Variants in TSHZ2 observed in about 807,000 individuals in gnomAD.
The protein encoded by TSHZ2 is teashirt zinc finger homeobox 2, also known as teashirt homolog 2.
Under a neutral mutation model 74.4 loss-of-function variants are expected in TSHZ2, and 21 were observed. The ratio of observed to expected loss-of-function variants is 0.28; its 90% CI spans 0.20 to 0.41. The LOEUF (loss-of-function observed/expected upper bound fraction) is 0.41. Ranked by LOEUF, TSHZ2 falls within the 10% of genes least tolerant of loss-of-function variation. The pLI is 1.00. For missense variants in TSHZ2, 1,244 were observed against 1,293.5 expected, an observed-to-expected ratio of 0.96 and a Z score of 0.59; for synonymous variants, 540 against 515.3, an observed-to-expected ratio of 1.05 and a Z score of -0.65.
At chr20:53,001,822 G>A (rs1982452495) in intron 1 of TSHZ2, among the ~76,000 whole-genome samples, 1 of 152,208 alleles carries the variant, frequency 6.6e-6, no homozygotes, top group African/African-American at 2.4e-5. Context: ...GAGTATCATT[G>A]TTTGATAGTG....
intron 1 of TSHZ2, among the ~76,000 whole-genome samples, chr20:53,158,103 G>C (rs939452230): frequency 6.6e-6 from 1 of 152,170 alleles, no homozygotes; most frequent in Non-Finnish European, 1.5e-5. Flanking sequence ...GGAAGCTGTG[G>C]GGCCGTGGAG....
chr20:53,096,796 C>T (rs866755134), intron 1 of TSHZ2, among the ~76,000 whole-genome samples: 16 of 151,740 alleles, frequency 1.1e-4, no homozygotes, highest in Admixed American at 9.2e-4. Flanking sequence ...GCAGGAGAAT[C>T]GCTTGAAATC....
intron 2 of TSHZ2, among the ~76,000 whole-genome samples, chr20:53,322,535 A>T (rs923418130): frequency 1.3e-5 from 2 of 152,032 alleles, no homozygotes; most frequent in Admixed American, 6.5e-5. Context: ...GAAAAAAAAA[A>T]CATGACTTTA....
At chr20:53,238,579 A>T (rs763085667) in intron 1 of TSHZ2, among the ~76,000 whole-genome samples, 1 of 152,146 alleles carries the variant, frequency 6.6e-6, no homozygotes, top group Non-Finnish European at 1.5e-5. Flanking sequence ...TCATATGTTC[A>T]TTTCACCTCC....
intron 1 of TSHZ2, among the ~76,000 whole-genome samples, chr20:53,143,701 A>C (rs537811166): frequency 7.9e-4 from 120 of 152,048 alleles, no homozygotes; most frequent in Admixed American, 9.8e-4. Flanking sequence ...CAAAAAAATA[A>C]ATAAATAAAT....
chr20:53,125,252 A>G (rs779345578), intron 1 of TSHZ2, among the ~76,000 whole-genome samples: 48 of 152,218 alleles, frequency 3.2e-4, no homozygotes, highest in Non-Finnish European at 6.0e-4. Flanking sequence ...ACAAAGAGAT[A>G]TTGTGAAAGG....
At position 53,086,382 on chromosome 20, in the gene TSHZ2, C is replaced by T. The variant is rs562632376; in HGVS notation, c.40+113049C>T. 3.9e-5 allele frequency among the ~76,000 whole-genome samples: 6 copies of T among 152,102 alleles called. 1 individual carries two copies. Among genetic ancestry groups the T allele is most frequent in the African/African-American group, 1.4e-4 (6 of 41,492 alleles). The stretch of plus-strand genomic sequence containing the variant: ...TCTCCATTCAGATTTTTGGGCTAAT[C>T]TCTACCAAAAGCTTGGCTCTCTGTG... On this transcript the variant is annotated intron_variant, in intron 1 of 2. Transcript: ENST00000371497.
At chr20:53,472,942 T>C in intron 2 of TSHZ2, among the ~76,000 whole-genome samples, 1 of 152,106 alleles carries the variant, frequency 6.6e-6, no homozygotes, top group Non-Finnish European at 1.5e-5. Flanking sequence ...TACTGCGCTT[T>C]TCCGACGGGC....
intron 1 of TSHZ2, among the ~76,000 whole-genome samples, chr20:53,046,983 C>T (rs1382615938): frequency 6.6e-6 from 1 of 152,088 alleles, no homozygotes; most frequent in Admixed American, 6.5e-5. Context: ...CAAGGCTATT[C>T]ATGTTTGAAT....
At chr20:53,330,088 T>C (rs1979665048) in intron 2 of TSHZ2, among the ~76,000 whole-genome samples, 1 of 152,346 alleles carries the variant, frequency 6.6e-6, no homozygotes, top group South Asian at 2.1e-4. Context: ...AAGCCTAAAA[T>C]ATTTCTTTAT....
intron 2 of TSHZ2, among the ~76,000 whole-genome samples, chr20:53,402,670 A>AG (rs376931132): frequency 1.9e-3 from 287 of 152,318 alleles, no homozygotes; most frequent in African/African-American, 6.7e-3. Flanking sequence ...AGCCTGAGAA[A>AG]GTGACATTCG....
intron 1 of TSHZ2, among the ~76,000 whole-genome samples, chr20:53,050,163 A>ATATACGTATATATATG (rs386394005): frequency 7.6e-6 from 1 of 132,234 alleles, no homozygotes; most frequent in African/African-American, 3.0e-5. Context: ...ACACATATAT[A>ATATACGTATATATATG]TGTACATATA....
intron 2 of TSHZ2, among the ~76,000 whole-genome samples, chr20:53,434,533 G>A (rs1356033451): frequency 6.6e-6 from 1 of 152,184 alleles, no homozygotes; most frequent in African/African-American, 2.4e-5. Flanking sequence ...AAGGAAGATC[G>A]TTTTCATGAA....
At chr20:53,161,923 A>G (rs1374656894) in intron 1 of TSHZ2, among the ~76,000 whole-genome samples, 2 of 152,180 alleles carry the variant, frequency 1.3e-5, no homozygotes, top group Non-Finnish European at 2.9e-5. Flanking sequence ...TTTTCCTTTA[A>G]TCTTCACCAA....
At chr20:53,001,214 G>GTGTGTGTGTGTGTGTGTGTGTATA (rs1555813559) in intron 1 of TSHZ2, among the ~76,000 whole-genome samples, 248 of 125,964 alleles carry the variant, frequency 2.0e-3, no homozygotes, top group African/African-American at 7.9e-3. Flanking sequence ...GCGTGTGTGT[G>GTGTGTGTGTGTGTGTGTGTGTATA]TGTGTGTGTG....
In TSHZ2 at chr20:53,489,081, G is replaced by A. The variant is rs1377744126; in HGVS notation, c.*1946G>A. On this transcript the variant is annotated 3_prime_UTR_variant, in exon 3 of 3. Coordinates refer to ENST00000371497, the MANE Select transcript of TSHZ2 (RefSeq NM_173485.6). ...GCAGTCGAAATAGCTTCATTGAAGT[G>A]TCAGCACTCATCCATCAATCAATCA... is the stretch of plus-strand genomic sequence containing the variant. The A allele has an allele frequency of 2.2e-6, 1 of 456,242 alleles. No individual in the cohort carries two copies. The highest frequency in any genetic ancestry group is 4.4e-6 in the Non-Finnish European group (1 of 226,964). The allele number at this position is 456,242 out of a possible 1,614,324, so 28.3% of individuals were successfully genotyped here. A position where few individuals can be genotyped will look rare whatever the true frequency, so the allele number is the denominator to read the frequency against.
At chr20:53,182,088 GCCTTCCTTT>G (rs900013311) in intron 1 of TSHZ2, among the ~76,000 whole-genome samples, 14 of 151,776 alleles carry the variant, frequency 9.2e-5, no homozygotes, top group Non-Finnish European at 1.3e-4. Context: ...AGGCCGGCCT[GCCTTCCTTT>G]CCTTCCTTCC....
At chr20:53,069,579 C>T (rs1046714199) in intron 1 of TSHZ2, among the ~76,000 whole-genome samples, 6 of 151,682 alleles carry the variant, frequency 4.0e-5, no homozygotes, top group Middle Eastern at 3.4e-3. Context: ...TAAGGGGAAA[C>T]GGGTTAACAA....
intron 2 of TSHZ2, among the ~76,000 whole-genome samples, chr20:53,345,559 T>C (rs1299906512): frequency 6.6e-6 from 1 of 152,112 alleles, no homozygotes; most frequent in East Asian, 1.9e-4. Context: ...TGTGAGGAAC[T>C]ACTTCACTCT....
Sources: allele counts gnomAD v4.1 joint callset (sites outside exome capture counted in the v4.1 genomes callset), GRCh38; gene constraint gnomAD v4.1.1; transcripts MANE v1.5; gene names NCBI Gene and HGNC (gene_info 2026-07-23, HGNC 2026-07-21).